Variants in ASIC2 observed in about 807,000 individuals in gnomAD.
ASIC2 encodes acid sensing ion channel subunit 2.
A neutral mutation model predicts 57.3 loss-of-function variants in ASIC2; 25 were observed. The observed-to-expected ratio is 0.44, with a 90% CI of 0.32 to 0.61. The LOEUF (loss-of-function observed/expected upper bound fraction) is 0.61, where lower values mean the gene tolerates loss of function less well. Among genes scored for constraint, ASIC2 ranks in the 20% least tolerant of loss-of-function variants. The probability of loss-of-function intolerance (pLI) is 0.06; values close to 1 mark genes in which losing one functional copy is unlikely to be tolerated. For synonymous variants in ASIC2, 319 were observed against 307.5 expected, an observed-to-expected ratio of 1.04 and a Z score of -0.39; for missense variants, 641 against 738.1, an observed-to-expected ratio of 0.87 and a Z score of 1.52.
chr17:34,035,412 C>G (rs1041479763), intron 1 of ASIC2, among the ~76,000 whole-genome samples: 1 of 146,964 alleles, frequency 6.8e-6, no homozygotes, highest in African/African-American at 2.6e-5. Flanking sequence ...AACGTTAGAC[C>G]TAAAACCATA....
At chr17:34,047,506 CAGAAAAAAAAAAAAAA>C (rs752946689) in intron 1 of ASIC2, among the ~76,000 whole-genome samples, 2 of 68,314 alleles carry the variant, frequency 2.9e-5, no homozygotes, top group African/African-American at 4.7e-5. Flanking sequence ...CACCTTTCTC[CAGAAAAAAAAAAAAAA>C]AAAAAAAAAA....
At chr17:33,324,763 A>G (rs1015197363) in intron 1 of ASIC2, among the ~76,000 whole-genome samples, 20 of 152,176 alleles carry the variant, frequency 1.3e-4, no homozygotes, top group Admixed American at 1.3e-4. Context: ...GACAGCACAA[A>G]GACTGTTTCT....
At chr17:33,569,636 C>T (rs554071648) in intron 1 of ASIC2, among the ~76,000 whole-genome samples, 46 of 152,238 alleles carry the variant, frequency 3.0e-4, no homozygotes, top group Admixed American at 2.0e-3. Flanking sequence ...TCCATGCACA[C>T]ACCCAGCTAT....
chr17:33,831,960 T>A (rs1023177228), intron 1 of ASIC2, among the ~76,000 whole-genome samples: 1 of 152,204 alleles, frequency 6.6e-6, no homozygotes, highest in Non-Finnish European at 1.5e-5. Flanking sequence ...TTGTTGTCCT[T>A]TTTCATTTTT....
chr17:34,038,841 G>A (rs1459081360), intron 1 of ASIC2: 8 of 1,612,068 alleles, frequency 5.0e-6, no homozygotes, highest in East Asian at 2.2e-5. Flanking sequence ...GGAGGTTTCC[G>A]CTTTGCTAAC....
At chr17:34,017,084 A>C (rs1399504609) in intron 1 of ASIC2, among the ~76,000 whole-genome samples, 5 of 152,228 alleles carry the variant, frequency 3.3e-5, no homozygotes, top group African/African-American at 1.2e-4. Flanking sequence ...TGTTTTTTAC[A>C]AGTTAAAGGT....
chr17:33,327,521 C>T (rs1597684652), intron 1 of ASIC2, among the ~76,000 whole-genome samples: 1 of 152,130 alleles, frequency 6.6e-6, no homozygotes, highest in East Asian at 1.9e-4. Context: ...GATTTTCCAC[C>T]TATCATGTAC....
Position 33,292,309 on chromosome 17 carries a change from C to G in ASIC2, c.-194G>C. 1 of 986,748 alleles carries G rather than the reference C, an allele frequency of 1.0e-6. No individual in the cohort carries two copies. The highest frequency in any genetic ancestry group is 1.2e-6 in the Non-Finnish European group (1 of 831,732). The allele number at this position is 986,748 out of a possible 1,614,324, so 61.1% of individuals were successfully genotyped here. A position where few individuals can be genotyped will look rare whatever the true frequency, so the allele number is the denominator to read the frequency against. ...CGCCGCTGCCGCCTCCGCGGGCGCC[C>G]GCCCGGGGCTGAGCGCCGCCTCAGC... is the stretch of plus-strand genomic sequence containing the variant. On this transcript the variant is annotated 5_prime_UTR_variant, in exon 1 of 10. Transcript: ENST00000225823.
chr17:33,580,595 A>G (rs1352208194), intron 1 of ASIC2, among the ~76,000 whole-genome samples: 1 of 152,052 alleles, frequency 6.6e-6, no homozygotes, highest in African/African-American at 2.4e-5. Context: ...TGCACCTATC[A>G]GGTTAGCTCA....
At chr17:34,049,448 G>A (rs1908463745) in intron 1 of ASIC2, among the ~76,000 whole-genome samples, 1 of 152,050 alleles carries the variant, frequency 6.6e-6, no homozygotes, top group Non-Finnish European at 1.5e-5. Flanking sequence ...TGCATTCCCT[G>A]CTGCACATCT....
intron 1 of ASIC2, among the ~76,000 whole-genome samples, chr17:33,181,865 C>T (rs959216399): frequency 9.2e-5 from 14 of 152,180 alleles, no homozygotes; most frequent in Non-Finnish European, 1.9e-4. Flanking sequence ...GCCTGCTTGA[C>T]GAAGGGCAAG....
At chr17:33,535,461 T>C (rs1185208765) in intron 1 of ASIC2, among the ~76,000 whole-genome samples, 1 of 151,930 alleles carries the variant, frequency 6.6e-6, no homozygotes, top group Non-Finnish European at 1.5e-5. Context: ...GTATTTTTAG[T>C]AGAGACGGGT....
chr17:33,167,477 GC>G (rs1356952567), intron 1 of ASIC2, among the ~76,000 whole-genome samples: 5 of 152,148 alleles, frequency 3.3e-5, no homozygotes, highest in African/African-American at 1.2e-4. Flanking sequence ...AATTGTTTCT[GC>G]CCTGCCCCCA....
At chr17:33,990,779 G>A (rs761065329) in intron 1 of ASIC2, among the ~76,000 whole-genome samples, 2 of 152,140 alleles carry the variant, frequency 1.3e-5, no homozygotes, top group Non-Finnish European at 2.9e-5. Context: ...AGGGAGTGAT[G>A]AATTTTGCCT....
At chr17:33,507,202 A>T (rs576570919) in intron 1 of ASIC2, among the ~76,000 whole-genome samples, 160 of 152,258 alleles carry the variant, frequency 1.1e-3, no homozygotes, top group African/African-American at 3.8e-3. Context: ...CTGCCTCATG[A>T]CAGGCAGGAG....
intron 1 of ASIC2, among the ~76,000 whole-genome samples, chr17:33,632,022 G>T (rs1041582136): frequency 1.3e-5 from 2 of 152,174 alleles, no homozygotes; most frequent in Non-Finnish European, 2.9e-5. Context: ...AAAGGAGGCA[G>T]CATGGCAGAA....
chr17:33,885,404 G>A (rs1312274723), intron 1 of ASIC2, among the ~76,000 whole-genome samples: 4 of 152,252 alleles, frequency 2.6e-5, no homozygotes, highest in Admixed American at 1.3e-4. Context: ...GTGATCAGGT[G>A]TTACCATCTA....
intron 1 of ASIC2, among the ~76,000 whole-genome samples, chr17:33,358,516 T>G (rs55829521): frequency 0.17 from 25,172 of 152,070 alleles, 2,848 homozygotes; most frequent in East Asian, 0.48. Flanking sequence ...ATTTATTGGA[T>G]GCTCTCAAAG....
intron 1 of ASIC2, among the ~76,000 whole-genome samples, chr17:33,731,439 G>C (rs1277537802): frequency 6.6e-6 from 1 of 152,154 alleles, no homozygotes; most frequent in East Asian, 1.9e-4. Flanking sequence ...CAAATTCATT[G>C]AGAGTCAGAG....
Sources: gnomAD v4.1 joint callset for allele counts (sites outside exome capture counted in the v4.1 genomes callset) on GRCh38, gnomAD v4.1.1 for gene constraint, MANE v1.5 for transcripts, NCBI Gene and HGNC (gene_info 2026-07-23, HGNC 2026-07-21) for gene names.